The following HMGN4 variants were observed in gnomAD, a reference collection of about 807,000 sequenced individuals.
HMGN4 encodes high mobility group nucleosomal binding domain 4.
For missense variants in HMGN4, 69 were observed against 104.9 expected (o/e 0.66, Z 1.49); for synonymous variants, 39 against 39.1 (o/e 1.00, Z 0.01).
Position 26,545,438 on chromosome 6 carries a change from C to T in HMGN4, c.232C>T (p.Leu78Phe). The T allele has an allele frequency of 1.3e-6, 2 of 1,593,574 alleles. No homozygotes were observed. The highest frequency in any genetic ancestry group is 1.7e-6 in the Non-Finnish European group (2 of 1,171,876). The change falls in exon 2 of 2, where the codon CTC (leucine) becomes TTC (phenylalanine). Residue 78 changes from leucine (L) to phenylalanine (F), a missense_variant. By Grantham distance (22) the Leu-to-Phe change is conservative. Transcript: ENST00000377575. ...TGCAAAAAACCGAGATGCCTCTACA[C>T]TCCAGTCCCAGAAAGCGGAAGGCAC... ...NPAKNRDAST[L>F]QSQKAEGTGD...
chr6:26,546,925 T>C lies in HMGN4; in HGVS notation c.*1446T>C, dbSNP rs948434435. Among the ~76,000 whole-genome samples, 1 of 152,224 alleles carries C rather than the reference T, an allele frequency of 6.6e-6. No homozygotes were observed. The highest frequency in any genetic ancestry group is 2.4e-5 in the African/African-American group (1 of 41,452). On this transcript the variant is annotated 3_prime_UTR_variant, in exon 2 of 2. Transcript: ENST00000377575. ...AAATATCTTTCAATAAAGTTTATAA[T>C]TTTCTCCATAAAGGTCTTCTTGTTA...
chr6:26,545,046 C>T (rs902355823), intron 1 of HMGN4, 81 bp from the exon 2 acceptor site: 14 of 505,754 alleles, frequency 2.8e-5, no homozygotes, highest in African/African-American at 2.8e-4. Flanking sequence ...GAATTATTAA[C>T]AATATAGTCA....
rs1046959776 is a variant in HMGN4 at position 26,542,286 on chromosome 6, C to T, written c.-80-2841C>T. Among the ~76,000 whole-genome samples the T allele has an allele frequency of 6.6e-6, 1 of 152,112 alleles. No individual in the cohort carries two copies. Among genetic ancestry groups the T allele is most frequent in the Non-Finnish European group, 1.5e-5 (1 of 68,022 alleles). ...TACAGAGTTCCCACATACTTCCTTTCCCCCACCTCAGTTTCTCCTAAGTTA... is the reference window on the plus strand; with the variant it reads ...TACAGAGTTCCCACATACTTCCTTTTCCCCACCTCAGTTTCTCCTAAGTTA... On this transcript the variant is annotated intron_variant, in intron 1 of 1. Transcript: ENST00000377575. The surrounding 1 kb of genome is among the most constrained non-coding windows in gnomAD (Gnocchi z 4.6).
intron 1 of HMGN4, among the ~76,000 whole-genome samples, chr6:26,540,366 G>T (rs1189991513): frequency 8.7e-5 from 13 of 149,120 alleles, no homozygotes; most frequent in Non-Finnish European, 1.8e-4. Context: ...ACCGGGTCTT[G>T]CTCTGTCACC....
intron 1 of HMGN4, among the ~76,000 whole-genome samples, chr6:26,539,607 C>T (rs1216478902): frequency 7.3e-6 from 1 of 136,442 alleles, no homozygotes; most frequent in Non-Finnish European, 1.5e-5. Flanking sequence ...AAAAGAAGGG[C>T]TGCATTCTTT....
rs1007657867 is a variant in HMGN4, at chr6:26,546,652, CCT to C, written c.*1176_*1177del. ...TTTGTCATAATTGTAACCAATTTCA[CCT>C]CTGTCTCCAGTATCACCACAAAATT... On this transcript the variant is annotated 3_prime_UTR_variant, in exon 2 of 2. Transcript: ENST00000377575. 3.9e-5 allele frequency among the ~76,000 whole-genome samples: 6 copies of C among 152,326 alleles called. No individual in the cohort carries two copies. The highest frequency in any genetic ancestry group is 2.6e-4 in the Admixed American group (4 of 15,306).
chr6:26,545,036 G>A (rs1764330877), intron 1 of HMGN4, 91 bp from the exon 2 acceptor site: 3 of 454,474 alleles, frequency 6.6e-6, no homozygotes, highest in Admixed American at 4.0e-5. Context: ...TGATATACAC[G>A]AATTATTAAC....
intron 1 of HMGN4, among the ~76,000 whole-genome samples, chr6:26,538,943 G>C (rs1310993126): frequency 6.6e-6 from 1 of 152,110 alleles, no homozygotes; most frequent in East Asian, 1.9e-4. Flanking sequence ...GACACCCAAG[G>C]GCTGAGTCCT....
chr6:26,545,321 C>A lies in HMGN4; in HGVS notation c.115C>A (p.Pro39Thr), dbSNP rs1764335792. Residue 39 changes from proline to threonine, a missense_variant, in exon 2 of 2, where the codon CCC becomes ACC. Pro to Thr is a conservative substitution (Grantham distance 38). Coordinates refer to ENST00000377575, the MANE Select transcript of HMGN4 (RefSeq NM_006353.3). ...TAAACCAGCTCCTCCAAAACCAGAG[C>A]CCAGGCCTAAAAAGGCCTCTGCAAA... Reference protein sequence around the residue: ...SAKPAPPKPEPRPKKASAKKG... With the variant: ...SAKPAPPKPETRPKKASAKKG... 3 of 1,613,980 alleles carry A rather than the reference C, an allele frequency of 1.9e-6. No individual in the cohort carries two copies. In the African/African-American group the frequency reaches 4.0e-5, roughly 22 times the overall value.
rs1173137020 is a variant in HMGN4, at chr6:26,545,513, G to A, written c.*34G>A. On this transcript the variant is annotated 3_prime_UTR_variant, in exon 2 of 2. Coordinates refer to ENST00000377575, the MANE Select transcript of HMGN4 (RefSeq NM_006353.3). ...TTTTTGAGAGCTCTGTACTTATAGT[G>A]ACTCTACTGTTTGAAATACTATTTT... 6 of 1,486,444 alleles carry A rather than the reference G, an allele frequency of 4.0e-6. No individual in the cohort carries two copies. The Admixed American group carries it at 1.2e-4, about 29-fold the overall frequency. The allele number at this position is 1,486,444 out of a possible 1,614,324, so 92.1% of individuals were successfully genotyped here.
In HMGN4 at chr6:26,545,162, C is replaced by T. The variant is rs1200598747; in HGVS notation, c.-45C>T. ...AGGAACAGCGTGAGGAGGACAGAAG[C>T]ACCCAACAGGACTGCTCAAGCCACC... On this transcript the variant is annotated 5_prime_UTR_variant, in exon 2 of 2. Coordinates refer to ENST00000377575, the MANE Select transcript of HMGN4 (RefSeq NM_006353.3). The T allele has an allele frequency of 6.7e-7, 1 of 1,487,606 alleles. No homozygotes were observed. Among genetic ancestry groups the T allele is most frequent in the African/African-American group, 1.4e-5 (1 of 70,858 alleles). The allele number at this position is 1,487,606 out of a possible 1,614,324, so 92.2% of individuals were successfully genotyped here.
In HMGN4 at chr6:26,543,435, T is replaced by TTTTTTTTTTTTG. The variant is rs1428858512; in HGVS notation, c.-80-1688_-80-1687insTTTTTTTGTTTT. Reference sequence around the variant, plus strand: ...GGCACCATTACCTTTTTTTTTTTTTTTTTTGAAGCAGAGTCTCACTCTGTC... The same window carrying TTTTTTTTTTTTG: ...GGCACCATTACCTTTTTTTTTTTTTTTTTTTTTTTTTGTTTTGAAGCAGAGTCTCACTCTGTC... On this transcript the variant is annotated intron_variant, in intron 1 of 1. Coordinates refer to ENST00000377575, the MANE Select transcript of HMGN4 (RefSeq NM_006353.3). 5.8e-5 allele frequency among the ~76,000 whole-genome samples: 8 copies of TTTTTTTTTTTTG among 137,202 alleles called. 2 individuals are homozygous for TTTTTTTTTTTTG. Among genetic ancestry groups the TTTTTTTTTTTTG allele is most frequent in the Non-Finnish European group, 7.8e-5 (5 of 64,192 alleles). The allele number at this position is 137,202 out of a possible 152,430, so 90.0% of individuals were successfully genotyped here.
rs1764302201 is a variant in HMGN4, at chr6:26,542,702, TCTC to T, written c.-80-2422_-80-2420del. Among the ~76,000 whole-genome samples the T allele has an allele frequency of 2.6e-5, 4 of 152,180 alleles. No homozygotes were observed. Among genetic ancestry groups the T allele is most frequent in the Admixed American group, 1.3e-4 (2 of 15,278 alleles). ...GGTCTCTAGAGAGTCAGTGACCTGG[TCTC>T]CTAATCAGCTTCCTAAAGGTGAGTT... On this transcript the variant is annotated intron_variant, in intron 1 of 1. Coordinates refer to ENST00000377575, the MANE Select transcript of HMGN4 (RefSeq NM_006353.3). This position sits in a 1 kb window ranked among gnomAD's most constrained non-coding sequence, Gnocchi z 4.6.
chr6:26,538,532 C>T (rs1241439123), intron 1 of HMGN4, 31 bp downstream of exon 1: 1 of 145,084 alleles, frequency 6.9e-6, no homozygotes, highest in Non-Finnish European at 1.5e-5. Context: ...GTGCGCTACC[C>T]CGGAAAATGA....
intron 1 of HMGN4, among the ~76,000 whole-genome samples, chr6:26,543,421 C>CTTTTTTATTTTT (rs1764309862): frequency 1.2e-5 from 1 of 80,136 alleles, no homozygotes; most frequent in Non-Finnish European, 2.2e-5. Flanking sequence ...GCACCATTAC[C>CTTTTTTATTTTT]TTTTTTTTTT....
intron 1 of HMGN4, among the ~76,000 whole-genome samples, chr6:26,540,215 G>T (rs1764272538): frequency 6.6e-6 from 1 of 152,158 alleles, no homozygotes; most frequent in Non-Finnish European, 1.5e-5. Flanking sequence ...AACCTCCGTG[G>T]AAACTCATGC....
Position 26,542,256 on chromosome 6 carries a change from G to C in HMGN4, c.-80-2871G>C, listed in dbSNP as rs1764294896. ...TTTTTGGTTTACAGAAAATTGAGCAGAAGATACAGAGTTCCCACATACTTC... is the reference window on the plus strand; with the variant it reads ...TTTTTGGTTTACAGAAAATTGAGCACAAGATACAGAGTTCCCACATACTTC... On this transcript the variant is annotated intron_variant, in intron 1 of 1. Transcript: ENST00000377575. The surrounding 1 kb of genome is among the most constrained non-coding windows in gnomAD (Gnocchi z 4.6). 1.3e-5 allele frequency among the ~76,000 whole-genome samples: 2 copies of C among 152,032 alleles called. No individual in the cohort carries two copies. The highest frequency in any genetic ancestry group is 2.9e-5 in the Non-Finnish European group (2 of 68,006).
At chr6:26,544,463 A>T (rs1175304066) in intron 1 of HMGN4, among the ~76,000 whole-genome samples, 1 of 152,174 alleles carries the variant, frequency 6.6e-6, no homozygotes, top group Non-Finnish European at 1.5e-5. Flanking sequence ...ACCAAAATAT[A>T]TGCATCCCTT....
rs573673339 is a variant in HMGN4, at chr6:26,542,612, A to G, written c.-80-2515A>G. Among the ~76,000 whole-genome samples the G allele has an allele frequency of 1.3e-5, 2 of 152,322 alleles. No homozygotes were observed. The highest frequency in any genetic ancestry group is 4.8e-5 in the African/African-American group (2 of 41,570). ...CCTCCTTGTCCTTTATGGAAATGGT[A>G]AGAGCTTTTACCCATCTCTCTGGTC... On this transcript the variant is annotated intron_variant, in intron 1 of 1. Coordinates refer to ENST00000377575, the MANE Select transcript of HMGN4 (RefSeq NM_006353.3). The surrounding 1 kb of genome is among the most constrained non-coding windows in gnomAD (Gnocchi z 4.6).
Sources: allele counts gnomAD v4.1 joint callset (sites outside exome capture counted in the v4.1 genomes callset), GRCh38; gene constraint gnomAD v4.1.1; non-coding constraint Gnocchi (gnomAD v3.1); transcripts MANE v1.5; gene names NCBI Gene and HGNC (gene_info 2026-07-23, HGNC 2026-07-21).